Variants in POU6F1 observed in about 807,000 individuals in gnomAD.
The protein encoded by POU6F1 is POU class 6 homeobox 1, also known as POU domain, class 6, transcription factor 1.
POU6F1 carries 9 observed loss-of-function variants against 28.9 expected under a neutral mutation model. The ratio of observed to expected loss-of-function variants is 0.31; its 90% confidence interval spans 0.19 to 0.54. The LOEUF (loss-of-function observed/expected upper bound fraction) is 0.54. Ranked by LOEUF, POU6F1 falls within the 20% of genes least tolerant of loss-of-function variation. POU6F1 has a pLI of 0.94. For synonymous variants in POU6F1, 173 were observed against 171.1 expected, an observed-to-expected ratio of 1.01 and a Z score of -0.09; for missense variants, 338 against 426.1, an observed-to-expected ratio of 0.79 and a Z score of 1.82.
intron 1 of POU6F1, among the ~76,000 whole-genome samples, chr12:51,214,912 T>C (rs977228320): frequency 2.6e-5 from 4 of 151,776 alleles, no homozygotes; most frequent in African/African-American, 9.7e-5. Flanking sequence ...TGAGCCAAGA[T>C]TGTGCCACTG....
rs1388130259 is a variant in POU6F1, at chr12:51,197,712, C to A, written c.846+58G>T. On this transcript the variant is annotated intron_variant, in intron 6 of 10. Transcript: ENST00000333640. ...TCCACTGTGGGAAGGGTCAGTTCCACCCTTGGCCCATGATTCCGTCCATCC... is the reference window on the plus strand; with the variant it reads ...TCCACTGTGGGAAGGGTCAGTTCCAACCTTGGCCCATGATTCCGTCCATCC... 2.0e-5 allele frequency: 8 copies of A among 399,378 alleles called. No individual in the cohort carries two copies. The East Asian group carries it at 2.8e-4, about 14-fold the overall frequency. 24.7% of individuals were successfully genotyped at this position (399,378 alleles called of 1,614,324 possible). A position where few individuals can be genotyped will look rare whatever the true frequency, so the allele number is the denominator to read the frequency against.
chr12:51,187,220 T>C lies in POU6F1; in HGVS notation c.*3027A>G, dbSNP rs978673237. On this transcript the variant is annotated 3_prime_UTR_variant, in exon 11 of 11. Transcript: ENST00000333640. ...TTCCCTGGACTTCACCTGGATAAAA[T>C]GCCGTGGTAATGCAGGGTCAAAGGC... 2 of 152,200 alleles carry C rather than the reference T, an allele frequency of 1.3e-5. No individual in the cohort carries two copies. Among genetic ancestry groups the C allele is most frequent in the Non-Finnish European group, 2.9e-5 (2 of 68,034 alleles). 9.4% of individuals were successfully genotyped at this position (152,200 alleles called of 1,614,324 possible).
rs115816377 is a variant in POU6F1, at chr12:51,195,896, G to A, written c.1179+74C>T. ...AGTTTCAGAAGATGCTGTCCTGCCT[G>A]GCAGTCTGGAGGGAAGCAGCCGGTG... On this transcript the variant is annotated intron_variant, in intron 8 of 10. Coordinates refer to ENST00000333640, the MANE Select transcript of POU6F1 (RefSeq NM_001330422.2). 6.2e-4 allele frequency: 903 copies of A among 1,450,608 alleles called. 8 individuals carry two copies. The African/African-American group carries it at 0.011, about 17-fold the overall frequency. The allele number at this position is 1,450,608 out of a possible 1,614,324, so 89.9% of individuals were successfully genotyped here.
chr12:51,190,726 C>T lies in POU6F1; in HGVS notation c.1491-134G>A. 7.5e-7 allele frequency: 1 copy of T among 1,341,494 alleles called. No individual in the cohort carries two copies. The highest frequency in any genetic ancestry group is 1.0e-6 in the Non-Finnish European group (1 of 1,004,632). 83.1% of individuals were successfully genotyped at this position (1,341,494 alleles called of 1,614,324 possible). A position where few individuals can be genotyped will look rare whatever the true frequency, so the allele number is the denominator to read the frequency against. On this transcript the variant is annotated intron_variant, in intron 10 of 10. Transcript: ENST00000333640. This position sits in a 1 kb window ranked among gnomAD's most constrained non-coding sequence, Gnocchi z 4.5. ...CTGGTGAGACTGTACCCAGTGCTCCCCTCACCACCTCCACCAAGACCCCTC... is the reference window on the plus strand; with the variant it reads ...CTGGTGAGACTGTACCCAGTGCTCCTCTCACCACCTCCACCAAGACCCCTC...
At position 51,189,693 on chromosome 12, in the gene POU6F1, A is replaced by C. The variant is rs1442308773; in HGVS notation, c.*554T>G. ...CATGGAGTCTGACCTTCTGAGCAGC[A>C]CATCACACTTTTTTGAATTTTATCT... On this transcript the variant is annotated 3_prime_UTR_variant, in exon 11 of 11. Transcript: ENST00000333640. 1 of 159,776 alleles carries C rather than the reference A, an allele frequency of 6.3e-6. No individual in the cohort carries two copies. The highest frequency in any genetic ancestry group is 1.4e-5 in the Non-Finnish European group (1 of 71,772). 9.9% of individuals were successfully genotyped at this position (159,776 alleles called of 1,614,324 possible).
At position 51,196,059 on chromosome 12, in the gene POU6F1, G is replaced by A; in HGVS notation, c.1090C>T (p.Gln364Ter). 1 of 1,608,856 alleles carries A rather than the reference G, an allele frequency of 6.2e-7. No homozygotes were observed. The highest frequency in any genetic ancestry group is 1.1e-5 in the South Asian group (1 of 90,402). The change falls in exon 8 of 11, where the codon CAG becomes TAG. Residue 364 changes from glutamine to a stop codon, truncating the protein, a stop_gained. Coordinates refer to ENST00000333640, the MANE Select transcript of POU6F1 (RefSeq NM_001330422.2). LOFTEE classifies it high-confidence loss of function. ...TPQLLLNAQG[Q>*]VIATLASSPL... The stretch of plus-strand genomic sequence containing the variant: ...CTGCTAGCCAGGGTCGCAATCACCT[G>A]GCCCTGGGCGTTCAACAACAGCTGG...
intron 1 of POU6F1, among the ~76,000 whole-genome samples, chr12:51,209,413 T>C (rs959191318): frequency 7.2e-5 from 11 of 152,238 alleles, no homozygotes; most frequent in African/African-American, 2.7e-4. Context: ...CTAGCTTCTT[T>C]TACTTGGCAT....
intron 2 of POU6F1, among the ~76,000 whole-genome samples, chr12:51,205,551 C>CA (rs1392087778): frequency 6.6e-6 from 1 of 152,250 alleles, no homozygotes; most frequent in Non-Finnish European, 1.5e-5. Context: ...ATTCAAGAAT[C>CA]AGAGACAAAG....
In POU6F1 at chr12:51,211,820, G is replaced by C. The variant is rs1343003188; in HGVS notation, c.-47-4937C>G. ...GCCTCAGGGGTAGAAGGAACAGCAA[G>C]TGCTAAGGCATTTGCCTACCACCTG... On this transcript the variant is annotated intron_variant, in intron 1 of 10. Transcript: ENST00000333640. Among the ~76,000 whole-genome samples, 3 of 152,162 alleles carry C rather than the reference G, an allele frequency of 2.0e-5. No homozygotes were observed. The East Asian group carries it at 5.8e-4, about 29-fold the overall frequency.
intron 8 of POU6F1, among the ~76,000 whole-genome samples, chr12:51,194,278 C>T (rs1024883723): frequency 3.9e-5 from 6 of 152,196 alleles, no homozygotes; most frequent in East Asian, 1.9e-4. Flanking sequence ...CCACCCGCCT[C>T]GGCCTACCAA....
At chr12:51,196,968 G>A (rs1942868603) in intron 6 of POU6F1, 41 bp from the exon 7 acceptor site, 5 of 1,223,350 alleles carry the variant, frequency 4.1e-6, no homozygotes, top group Non-Finnish European at 5.9e-6. Flanking sequence ...GCCAAGGGGT[G>A]AGAAGAACCC....
At position 51,191,622 on chromosome 12, in the gene POU6F1, T is replaced by C; in HGVS notation, c.1464A>G (p.Pro488=). The C allele has an allele frequency of 6.2e-7, 1 of 1,613,668 alleles. No individual in the cohort carries two copies. The highest frequency in any genetic ancestry group is 1.1e-5 in the South Asian group (1 of 91,056). ...GGCAGATGGCTGACTGGCTGTAGGC[T>C]GGACCTTCCGTTGCAGTCAGAGCCT... ...VGQALTATEG[P]AYSQSAICRF... is the part of the protein sequence containing the mutation. The change falls in exon 10 of 11, where the codon CCA becomes CCG. Residue 488 remains proline (P), a synonymous_variant. Transcript: ENST00000333640.
intron 3 of POU6F1, chr12:51,201,585 A>T (rs1943212662): frequency 6.6e-6 from 1 of 152,092 alleles, no homozygotes; most frequent in Admixed American, 6.6e-5. Flanking sequence ...GAACATGTGA[A>T]AATTTTAAAA....
intron 1 of POU6F1, among the ~76,000 whole-genome samples, chr12:51,210,028 G>A (rs181199782): frequency 2.0e-5 from 3 of 152,182 alleles, no homozygotes; most frequent in African/African-American, 7.2e-5. Context: ...CATGACCATG[G>A]CTCATTGCAG....
chr12:51,205,931 G>C (rs1009786794), intron 2 of POU6F1, among the ~76,000 whole-genome samples: 2 of 147,628 alleles, frequency 1.4e-5, no homozygotes, highest in African/African-American at 2.5e-5. Flanking sequence ...CAATTCTCCT[G>C]CCTCAGCCAC....
Position 51,196,105 on chromosome 12 carries a change from C to G in POU6F1, c.1044G>C (p.Leu348=). ...GCTGGGGGGTCACGGCCTGGACCTG[C>G]AGGCTTTGGGCTGGTGCTGGGGCCG... ...SVAAPAPAQS[L]QVQAVTPQLL... is the part of the protein sequence containing the mutation. Residue 348 remains leucine (L), a synonymous_variant, in exon 8 of 11, where the codon CTG becomes CTC. Coordinates refer to ENST00000333640, the MANE Select transcript of POU6F1 (RefSeq NM_001330422.2). The G allele has an allele frequency of 6.3e-7, 1 of 1,596,104 alleles. No individual in the cohort carries two copies. The highest frequency in any genetic ancestry group is 1.7e-5 in the Admixed American group (1 of 58,290).
rs536623600 is a variant in POU6F1 at position 51,210,102 on chromosome 12, T to A, written c.-47-3219A>T. Among the ~76,000 whole-genome samples the A allele has an allele frequency of 3.9e-5, 6 of 152,302 alleles. No individual in the cohort carries two copies. In the South Asian group the frequency reaches 1.2e-3, roughly 32 times the overall value. Reference sequence around the variant, plus strand: ...CCACCAGAGTAGCTGGGACTACCCATGGCCAGCTAATTTTTTTTATTTTTT... The same window carrying A: ...CCACCAGAGTAGCTGGGACTACCCAAGGCCAGCTAATTTTTTTTATTTTTT... On this transcript the variant is annotated intron_variant, in intron 1 of 10. Coordinates refer to ENST00000333640, the MANE Select transcript of POU6F1 (RefSeq NM_001330422.2).
At chr12:51,203,305 T>C (rs1943351670) in intron 3 of POU6F1, among the ~76,000 whole-genome samples, 1 of 152,150 alleles carries the variant, frequency 6.6e-6, no homozygotes, top group African/African-American at 2.4e-5. Flanking sequence ...CCCTGTTTTC[T>C]GAAAAGGGGC....
intron 9 of POU6F1, 145 bp downstream of exon 9, chr12:51,192,185 G>T (rs935490981): frequency 1.6e-6 from 2 of 1,216,552 alleles, no homozygotes; most frequent in African/African-American, 1.5e-5. Context: ...ACAGGAATGG[G>T]AATAAAAAAG....
Sources: gnomAD v4.1 joint callset for allele counts (sites outside exome capture counted in the v4.1 genomes callset) on GRCh38, gnomAD v4.1.1 for gene constraint, Gnocchi (gnomAD v3.1) non-coding constraint, MANE v1.5 for transcripts, NCBI Gene and HGNC (gene_info 2026-07-23, HGNC 2026-07-21) for gene names.